Variants in CNBD2 observed in about 807,000 individuals in gnomAD.
CNBD2 encodes the protein cyclic nucleotide-binding domain-containing protein 2.
In CNBD2, 64 loss-of-function variants were observed where a neutral mutation model predicts 63.7. The observed-to-expected ratio is 1.00, with a 90% confidence interval of 0.82 to 1.24. The LOEUF (loss-of-function observed/expected upper bound fraction) is 1.24, where lower values mean the gene tolerates loss of function less well. Ranked by LOEUF, CNBD2 falls within the 50% of genes most tolerant of loss-of-function variation. The pLI, the probability that CNBD2 is intolerant of heterozygous loss-of-function variation, is 0.00. For synonymous variants in CNBD2, 229 were observed against 255.4 expected, an observed-to-expected ratio of 0.90 and a Z score of 0.99; for missense variants, 691 against 713.5, an observed-to-expected ratio of 0.97 and a Z score of 0.36.
rs1165541806 is a variant in CNBD2 at position 35,987,511 on chromosome 20, C to G, written c.833C>G (p.Pro278Arg). 3 of 1,614,030 alleles carry G rather than the reference C, an allele frequency of 1.9e-6. No individual in the cohort carries two copies. Among genetic ancestry groups the G allele is most frequent in the African/African-American group, 1.3e-5 (1 of 75,002 alleles). ...ATCTCAAAAGATTTTGGAGAGTCAC[C>G]CTTCATCATGTTTATCAGCAAGGTG... The part of the protein sequence containing the change: ...QLISKDFGES[P>R]FIMFISKGSC... Residue 278 changes from proline (P) to arginine (R), a missense_variant, in exon 7 of 12, where the codon CCC becomes CGC. Coordinates refer to ENST00000373973, the MANE Select transcript of CNBD2 (RefSeq NM_001365709.1).
At chr20:36,018,724 G>A (rs551291024) in intron 10 of CNBD2, among the ~76,000 whole-genome samples, 161 of 152,334 alleles carry the variant, frequency 1.1e-3, no homozygotes, top group African/African-American at 3.8e-3. Context: ...CTTCTCCAAG[G>A]AACAGGCAGG....
chr20:35,991,042 A>G (rs1487658176), intron 7 of CNBD2, among the ~76,000 whole-genome samples: 2 of 152,234 alleles, frequency 1.3e-5, no homozygotes, highest in Non-Finnish European at 2.9e-5. Flanking sequence ...AAGCTAAAAA[A>G]CATTTCAGTT....
At chr20:36,001,254 A>G (rs1351035177) in intron 8 of CNBD2, among the ~76,000 whole-genome samples, 2 of 151,640 alleles carry the variant, frequency 1.3e-5, no homozygotes, top group Non-Finnish European at 2.9e-5. Context: ...GCTGTTGGGT[A>G]CACCTCCCAG....
chr20:35,980,455 C>T lies in CNBD2; in HGVS notation c.244-4C>T, dbSNP rs562327189. On this transcript the variant is annotated splice_region_variant and splice_polypyrimidine_tract_variant and intron_variant, in intron 3 of 11. Coordinates refer to ENST00000373973, the MANE Select transcript of CNBD2 (RefSeq NM_001365709.1). ...CCTGTATCACTCTGGTCCTCTCTCC[C>T]CAGGGTCACTTTCCTCCAAAGGCCA... 2 of 1,614,046 alleles carry T rather than the reference C, an allele frequency of 1.2e-6. No homozygotes were observed. Among genetic ancestry groups the T allele is most frequent in the African/African-American group, 2.7e-5 (2 of 75,040 alleles).
At chr20:35,985,928 T>C (rs1423820435) in intron 6 of CNBD2, among the ~76,000 whole-genome samples, 1 of 152,188 alleles carries the variant, frequency 6.6e-6, no homozygotes, top group Non-Finnish European at 1.5e-5. Flanking sequence ...GCCAGACACA[T>C]GCAGGTGCTC....
chr20:36,018,599 T>G (rs2057166696), intron 10 of CNBD2, among the ~76,000 whole-genome samples: 1 of 152,160 alleles, frequency 6.6e-6, no homozygotes, highest in African/African-American at 2.4e-5. Flanking sequence ...GTGGGTCACA[T>G]CGTCCTCACC....
At chr20:35,982,820 TTCCCACCTCAGCCTTAC>T (rs1414960145) in intron 4 of CNBD2, among the ~76,000 whole-genome samples, 1 of 151,926 alleles carries the variant, frequency 6.6e-6, no homozygotes, top group African/African-American at 2.4e-5. Flanking sequence ...TCAGGTGATC[TTCCCACCTCAGCCTTAC>T]AGGCAGCTGG....
chr20:36,023,967 T>C (rs2057253015), intron 11 of CNBD2, among the ~76,000 whole-genome samples, 196 bp downstream of exon 11: 1 of 152,244 alleles, frequency 6.6e-6, no homozygotes, highest in Non-Finnish European at 1.5e-5. Context: ...GCTATAAAAC[T>C]GTCCCAACAC....
intron 2 of CNBD2, among the ~76,000 whole-genome samples, chr20:35,962,457 T>C (rs2056316338): frequency 6.6e-6 from 1 of 152,128 alleles, no homozygotes; most frequent in African/African-American, 2.4e-5. Context: ...AGATGGGGTT[T>C]CACCGTGTTA....
chr20:35,994,273 C>T (rs996753694), intron 7 of CNBD2, among the ~76,000 whole-genome samples: 13 of 152,210 alleles, frequency 8.5e-5, no homozygotes, highest in Non-Finnish European at 1.6e-4. Flanking sequence ...CCATATTGGT[C>T]AGGCTGGTCT....
intron 1 of CNBD2, among the ~76,000 whole-genome samples, chr20:35,969,321 AT>A (rs1212611867): frequency 6.6e-6 from 1 of 152,216 alleles, no homozygotes; most frequent in Non-Finnish European, 1.5e-5. Flanking sequence ...ATGCCTGACA[AT>A]AGTAAATTGT....
intron 9 of CNBD2, 65 bp downstream of exon 9, chr20:36,008,539 A>C: frequency 6.8e-7 from 1 of 1,463,242 alleles, no homozygotes; most frequent in Non-Finnish European, 9.2e-7. Context: ...TAATACTTAT[A>C]TGGCAGAATG....
upstream of CNBD2, among the ~76,000 whole-genome samples, chr20:35,966,995 A>T (rs1027561631): frequency 1.3e-5 from 2 of 152,220 alleles, no homozygotes; most frequent in South Asian, 2.1e-4. Flanking sequence ...AAAGCTCCAG[A>T]GTAGAAACCT....
chr20:35,964,074 C>G (rs2056327076), upstream of CNBD2, among the ~76,000 whole-genome samples: 2 of 152,258 alleles, frequency 1.3e-5, no homozygotes, highest in Admixed American at 1.3e-4. Context: ...AGTTTATGGC[C>G]TCTGCCAGCC....
chr20:35,978,399 T>C (rs1050743476), intron 3 of CNBD2, among the ~76,000 whole-genome samples: 4 of 150,776 alleles, frequency 2.7e-5, no homozygotes, highest in Non-Finnish European at 5.9e-5. Flanking sequence ...GGCTGGTGTG[T>C]AGTGGAGCGA....
At chr20:35,985,300 T>G (rs2056653219) in intron 6 of CNBD2, among the ~76,000 whole-genome samples, 2 of 151,672 alleles carry the variant, frequency 1.3e-5, no homozygotes, top group African/African-American at 4.8e-5. Context: ...TCCTAGTAGC[T>G]AGGACTGTAG....
chr20:35,973,578 T>G (rs1008796111), intron 2 of CNBD2: 1 of 151,978 alleles, frequency 6.6e-6, no homozygotes, highest in African/African-American at 2.4e-5. Flanking sequence ...CCCAGCTAAT[T>G]TTTTGTATTT....
intron 4 of CNBD2, among the ~76,000 whole-genome samples, chr20:35,983,112 G>C (rs1016138504): frequency 1.3e-5 from 2 of 151,056 alleles, no homozygotes; most frequent in Admixed American, 1.3e-4. Context: ...ACTTTGCAAG[G>C]CCAAGGTGGG....
intron 8 of CNBD2, among the ~76,000 whole-genome samples, chr20:36,007,502 G>T (rs948693018): frequency 1.3e-5 from 2 of 152,078 alleles, no homozygotes; most frequent in Non-Finnish European, 2.9e-5. Flanking sequence ...TGTCGGTGCT[G>T]TGCTAGGCAT....
Sources: allele counts gnomAD v4.1 joint callset (sites outside exome capture counted in the v4.1 genomes callset), GRCh38; gene constraint gnomAD v4.1.1; transcripts MANE v1.5; gene names NCBI Gene and HGNC (gene_info 2026-07-23, HGNC 2026-07-21).